The following EPHA6 variants were observed in gnomAD, a reference collection of about 807,000 sequenced individuals.
EPHA6 encodes the protein EPH receptor A6, also known as ephrin type-A receptor 6.
EPHA6 carries 50 observed loss-of-function variants against 112.0 expected under a neutral mutation model. The observed-to-expected ratio is 0.45, with a 90% CI of 0.36 to 0.56. The LOEUF is 0.56. Among genes scored for constraint, EPHA6 ranks in the 20% least tolerant of loss-of-function variants. The pLI, the probability that EPHA6 is intolerant of heterozygous loss-of-function variation, is 0.00. For missense variants in EPHA6, 1,280 were observed against 1,417.4 expected (o/e 0.90, Z 1.56); for synonymous variants, 529 against 490.7 (o/e 1.08, Z -1.03).
chr3:97,067,590 G>T (rs1018899139), intron 3 of EPHA6, among the ~76,000 whole-genome samples: 1 of 151,758 alleles, frequency 6.6e-6, no homozygotes, highest in African/African-American at 2.4e-5. Flanking sequence ...AAAATAGGGA[G>T]CCAAGGAGGG....
intron 14 of EPHA6, among the ~76,000 whole-genome samples, chr3:97,711,673 T>C (rs1273481986): frequency 6.6e-6 from 1 of 152,116 alleles, no homozygotes; most frequent in African/African-American, 2.4e-5. Context: ...AACTCACTCT[T>C]CCTCCACTCT....
At chr3:97,116,945 C>T (rs1576517199) in intron 3 of EPHA6, among the ~76,000 whole-genome samples, 1 of 151,748 alleles carries the variant, frequency 6.6e-6, no homozygotes, top group Non-Finnish European at 1.5e-5. Context: ...ATTTACATGT[C>T]TACCAAAGTG....
At chr3:96,883,806 T>C (rs1175209897) in intron 2 of EPHA6, among the ~76,000 whole-genome samples, 1 of 152,222 alleles carries the variant, frequency 6.6e-6, no homozygotes, top group South Asian at 2.1e-4. Flanking sequence ...CAGCTGAGAT[T>C]ACAGGTACCC....
intron 14 of EPHA6, among the ~76,000 whole-genome samples, chr3:97,678,096 G>C (rs1050032690): frequency 2.0e-5 from 3 of 152,146 alleles, no homozygotes; most frequent in Admixed American, 6.6e-5. Context: ...TTCAAGAAAT[G>C]AGGGGTGGTG....
chr3:97,323,305 A>C (rs1355957308), intron 5 of EPHA6, among the ~76,000 whole-genome samples: 1 of 151,956 alleles, frequency 6.6e-6, no homozygotes, highest in Non-Finnish European at 1.5e-5. Flanking sequence ...ATTCTGACAA[A>C]AGAAGTAAAT....
intron 3 of EPHA6, among the ~76,000 whole-genome samples, chr3:97,170,776 C>G (rs1005316559): frequency 1.3e-5 from 2 of 151,808 alleles, no homozygotes; most frequent in African/African-American, 2.4e-5. Flanking sequence ...AATATAGGAC[C>G]AGGTCTGAGA....
intron 3 of EPHA6, among the ~76,000 whole-genome samples, chr3:97,086,535 A>G (rs534487028): frequency 6.6e-6 from 1 of 152,180 alleles, no homozygotes; most frequent in South Asian, 2.1e-4. Context: ...TGCAGTAATA[A>G]ACTTAGAAAA....
rs1370625245 is a variant in EPHA6, at chr3:96,814,936, T to C, written c.313T>C (p.Leu105=). The change falls in exon 1 of 18, where the codon TTG becomes CTG. Residue 105 remains leucine, a synonymous_variant. Transcript: ENST00000389672. ...MGGCEVREFL[L]QFGFFLPLLT... is the part of the protein sequence containing the mutation. ...GGGCTGCGAAGTCCGGGAATTTCTT[T>C]TGCAATTTGGTTTCTTCTTGCCTCT... 3.2e-6 allele frequency: 5 copies of C among 1,551,164 alleles called. No individual in the cohort carries two copies. Among genetic ancestry groups the C allele is most frequent in the African/African-American group, 2.7e-5 (2 of 73,026 alleles).
intron 6 of EPHA6, among the ~76,000 whole-genome samples, chr3:97,424,848 A>G (rs2107204093): frequency 6.6e-6 from 1 of 152,074 alleles, no homozygotes; most frequent in South Asian, 2.1e-4. Context: ...CTTCCTAGAT[A>G]CAATGGGAGT....
chr3:97,464,289 C>T (rs567439483), intron 7 of EPHA6, among the ~76,000 whole-genome samples: 23 of 152,078 alleles, frequency 1.5e-4, no homozygotes, highest in African/African-American at 4.3e-4. Context: ...CAAACTCCTG[C>T]CCTGTGGGTG....
intron 10 of EPHA6, among the ~76,000 whole-genome samples, chr3:97,493,534 A>C (rs527742171): frequency 6.6e-6 from 1 of 152,076 alleles, no homozygotes; most frequent in South Asian, 2.1e-4. Flanking sequence ...ATTTAGCCTT[A>C]ATTTCTTCCA....
intron 12 of EPHA6, among the ~76,000 whole-genome samples, chr3:97,610,361 T>C (rs1206613759): frequency 6.6e-6 from 1 of 151,652 alleles, no homozygotes; most frequent in Non-Finnish European, 1.5e-5. Context: ...ATTTCAGAAA[T>C]GCCCACTGTA....
At chr3:97,007,572 G>A (rs975201205) in intron 3 of EPHA6, among the ~76,000 whole-genome samples, 19 of 151,912 alleles carry the variant, frequency 1.3e-4, no homozygotes, top group African/African-American at 3.9e-4. Context: ...TCACCAGTCT[G>A]TATCTTTTAA....
intron 3 of EPHA6, among the ~76,000 whole-genome samples, chr3:97,107,825 C>A (rs1689383915): frequency 6.6e-6 from 1 of 152,034 alleles, no homozygotes; most frequent in South Asian, 2.1e-4. Context: ...TTTGTCATTC[C>A]TCATTGTTTT....
intron 3 of EPHA6, among the ~76,000 whole-genome samples, chr3:97,079,864 A>C (rs1458304011): frequency 6.6e-6 from 1 of 151,996 alleles, no homozygotes; most frequent in Non-Finnish European, 1.5e-5. Flanking sequence ...ACCAGCAAAA[A>C]AATTATGACT....
chr3:97,080,091 A>G (rs2046674117), intron 3 of EPHA6, among the ~76,000 whole-genome samples: 1 of 152,238 alleles, frequency 6.6e-6, no homozygotes, highest in Middle Eastern at 3.4e-3. Flanking sequence ...TGAACCCACA[A>G]TATCTCCATG....
chr3:97,336,826 G>A (rs1336819129), intron 5 of EPHA6, among the ~76,000 whole-genome samples: 1 of 151,758 alleles, frequency 6.6e-6, no homozygotes, highest in Non-Finnish European at 1.5e-5. Context: ...ATGCAGAAAA[G>A]AATCATGTTT....
intron 2 of EPHA6, among the ~76,000 whole-genome samples, chr3:96,980,797 A>T (rs2042736403): frequency 6.6e-6 from 1 of 151,958 alleles, no homozygotes; most frequent in African/African-American, 2.4e-5. Context: ...TAGGTATTTT[A>T]TTCTCTTTGA....
chr3:97,164,377 A>C (rs2076487996), intron 3 of EPHA6, among the ~76,000 whole-genome samples: 1 of 152,170 alleles, frequency 6.6e-6, no homozygotes, highest in Non-Finnish European at 1.5e-5. Context: ...AGGCATTAGT[A>C]AATGGTTAAA....
Sources: allele counts gnomAD v4.1 joint callset (sites outside exome capture counted in the v4.1 genomes callset), GRCh38; gene constraint gnomAD v4.1.1; transcripts MANE v1.5; gene names NCBI Gene and HGNC (gene_info 2026-07-23, HGNC 2026-07-21).